HYCC1: variants seen among roughly 807,000 people sequenced by gnomAD.
The protein encoded by HYCC1 is hyccin PI4KA lipid kinase complex subunit 1, also known as hyccin.
the HYCC1 span, chr7:22,985,740 G>C: frequency 9.3e-4 from 141 of 151,174 alleles, no homozygotes; most frequent in African/African-American, 3.1e-3. Flanking sequence ...CTAATACTGG[G>C]GGAATTTATA....
the HYCC1 span, among the ~76,000 whole-genome samples, chr7:22,983,383 G>A: frequency 6.6e-6 from 1 of 151,958 alleles, no homozygotes; most frequent in South Asian, 2.1e-4. Context: ...AGTGGTAGTG[G>A]GGCAAGAGGA....
the HYCC1 span, chr7:22,936,452 G>C: frequency 6.6e-6 from 1 of 152,222 alleles, no homozygotes; most frequent in East Asian, 1.9e-4. Context: ...GAATACCAAA[G>C]AGATTTACTG....
At chr7:22,943,106 T>C in the HYCC1 span, 1 of 152,180 alleles carries the variant, frequency 6.6e-6, no homozygotes, top group East Asian at 1.9e-4. Flanking sequence ...CATTTACAGC[T>C]CTGATTCCAT....
chr7:22,947,049 A>T, the HYCC1 span: 1 of 1,550,182 alleles, frequency 6.5e-7, no homozygotes, highest in South Asian at 1.2e-5. Flanking sequence ...TTGCCTCCTG[A>T]TCTCTGGCAA....
At chr7:22,901,607 G>C in the HYCC1 span, among the ~76,000 whole-genome samples, 1 of 151,980 alleles carries the variant, frequency 6.6e-6, no homozygotes, top group East Asian at 1.9e-4. Flanking sequence ...GGAAAAATAA[G>C]TAAGCCTAAG....
chr7:22,904,826 C>A, the HYCC1 span, among the ~76,000 whole-genome samples: 1 of 150,760 alleles, frequency 6.6e-6, no homozygotes, highest in Non-Finnish European at 1.5e-5. Context: ...CACCTGTAGT[C>A]CCAGCTACTC....
chr7:23,014,082 A>G, the HYCC1 span: 1 of 463,544 alleles, frequency 2.2e-6, no homozygotes, highest in Non-Finnish European at 4.4e-6. Flanking sequence ...CCCTCCTCTC[A>G]CTGACTGACA....
chr7:22,927,158 G>A, the HYCC1 span, among the ~76,000 whole-genome samples: 1 of 152,152 alleles, frequency 6.6e-6, no homozygotes, highest in East Asian at 1.9e-4. Context: ...CAACATACCA[G>A]AATCTCTGGG....
the HYCC1 span, among the ~76,000 whole-genome samples, chr7:22,907,054 G>A: frequency 5.2e-5 from 7 of 135,176 alleles, no homozygotes; most frequent in South Asian, 7.2e-4. Context: ...GCAGTAAGCC[G>A]AGATCGTGCC....
At chr7:22,939,421 C>T in the HYCC1 span, 2 of 152,022 alleles carry the variant, frequency 1.3e-5, no homozygotes, top group Non-Finnish European at 2.9e-5. Flanking sequence ...AATGTCAATA[C>T]TAGAACCAAT....
the HYCC1 span, among the ~76,000 whole-genome samples, chr7:23,004,515 C>T: frequency 2.6e-5 from 4 of 152,058 alleles, no homozygotes. Context: ...GAGGTGCAAC[C>T]TAAAATTGTA....
the HYCC1 span, among the ~76,000 whole-genome samples, chr7:22,973,751 T>C: frequency 6.6e-6 from 1 of 152,190 alleles, no homozygotes. Flanking sequence ...CATTCTCTGT[T>C]GAAGAATTAT....
chr7:22,960,456 T>TA, the HYCC1 span: 6 of 1,499,868 alleles, frequency 4.0e-6, no homozygotes, highest in African/African-American at 1.5e-5. Context: ...CATGAGCAGA[T>TA]AGAGCAGATA....
At chr7:22,968,275 T>C in the HYCC1 span, among the ~76,000 whole-genome samples, 6 of 152,280 alleles carry the variant, frequency 3.9e-5, no homozygotes, top group Admixed American at 1.3e-4. Flanking sequence ...AACTTCTATG[T>C]CATACCCCTA....
the HYCC1 span, among the ~76,000 whole-genome samples, chr7:22,927,768 T>C: frequency 6.6e-6 from 1 of 152,228 alleles, no homozygotes; most frequent in Admixed American, 6.5e-5. Flanking sequence ...AAGGAGGAGC[T>C]GGTACCATTC....
chr7:22,918,887 G>T, the HYCC1 span, among the ~76,000 whole-genome samples: 1 of 152,066 alleles, frequency 6.6e-6, no homozygotes, highest in Non-Finnish European at 1.5e-5. Context: ...ATTGCTCAAA[G>T]AAAACTTGTT....
At chr7:22,927,185 G>A in the HYCC1 span, among the ~76,000 whole-genome samples, 1 of 152,168 alleles carries the variant, frequency 6.6e-6, no homozygotes, top group Admixed American at 6.5e-5. Flanking sequence ...TCAAAGAAGT[G>A]TGTAGAGGGA....
the HYCC1 span, among the ~76,000 whole-genome samples, chr7:22,904,735 G>A: frequency 6.6e-6 from 1 of 151,822 alleles, no homozygotes; most frequent in African/African-American, 2.4e-5. Flanking sequence ...CTTGAGGCCA[G>A]GAGTTTGAGA....
chr7:22,964,259 T>C, the HYCC1 span, among the ~76,000 whole-genome samples: 3 of 152,128 alleles, frequency 2.0e-5, no homozygotes, highest in Non-Finnish European at 4.4e-5. Flanking sequence ...AAGATAATAG[T>C]TTTAAAGTAT....
Sources: allele counts gnomAD v4.1 joint callset (sites outside exome capture counted in the v4.1 genomes callset), GRCh38; gene constraint gnomAD v4.1.1; transcripts MANE v1.5; gene names NCBI Gene and HGNC (gene_info 2026-07-23, HGNC 2026-07-21).